The following IL1R2 variants were observed in gnomAD, a reference collection of about 807,000 sequenced individuals.
The protein encoded by IL1R2 is interleukin 1 receptor type 2.
A neutral mutation model predicts 39.5 loss-of-function variants in IL1R2; 46 were observed. That is an observed-to-expected ratio of 1.16 (90% CI 0.92 to 1.49). The LOEUF is 1.49. IL1R2 is among the 40% of genes most tolerant of loss of function. IL1R2 has a pLI of 0.00. For synonymous variants in IL1R2, 207 were observed against 189.6 expected (o/e 1.09, Z -0.75); for missense variants, 537 against 502.0 (o/e 1.07, Z -0.67).
In IL1R2 at chr2:102,009,845, G is replaced by A. The variant is rs371934769; in HGVS notation, c.332+19G>A. The A allele has an allele frequency of 4.8e-5, 77 of 1,610,500 alleles. No individual in the cohort carries two copies. Among genetic ancestry groups the A allele is most frequent in the Non-Finnish European group, 6.5e-5 (76 of 1,177,360 alleles). On this transcript the variant is annotated intron_variant, in intron 3 of 8. Transcript: ENST00000332549. The stretch of plus-strand genomic sequence containing the variant: ...CTACTAGGTAAGTCTCCCTGTGCGG[G>A]GCTGGGGAGGGGATCCTGGCAGGAT...
At chr2:102,004,492 C>CAAAA (rs34596104) in intron 1 of IL1R2, among the ~76,000 whole-genome samples, 3 of 99,326 alleles carry the variant, frequency 3.0e-5, no homozygotes, top group African/African-American at 6.1e-5. Context: ...GGTTATTTGA[C>CAAAA]AAAAAAAAAA....
chr2:102,003,883 T>C (rs1465859030), intron 1 of IL1R2, among the ~76,000 whole-genome samples: 3 of 149,654 alleles, frequency 2.0e-5, no homozygotes, highest in South Asian at 4.3e-4. Context: ...GTGGTTGTGT[T>C]TGTGTCTGTG....
Position 102,028,534 on chromosome 2 carries a change from C to T in IL1R2, c.*142C>T, listed in dbSNP as rs1191810665. 6.2e-6 allele frequency: 4 copies of T among 641,298 alleles called. No homozygotes were observed. The highest frequency in any genetic ancestry group is 3.7e-5 in the African/African-American group (2 of 53,630). The allele number at this position is 641,298 out of a possible 1,614,324, so 39.7% of individuals were successfully genotyped here. A position where few individuals can be genotyped will look rare whatever the true frequency, so the allele number is the denominator to read the frequency against. ...TTTATAGTGGCTTTGTAGTAAAGGA[C>T]TAAAGTCTTACATTCTGTTTTTTTT... On this transcript the variant is annotated 3_prime_UTR_variant, in exon 9 of 9. Transcript: ENST00000332549.
chr2:102,017,165 A>G (rs948451922), intron 4 of IL1R2, among the ~76,000 whole-genome samples: 19 of 152,176 alleles, frequency 1.2e-4, no homozygotes, highest in African/African-American at 4.6e-4. Flanking sequence ...TGGCAGGCCA[A>G]GGCAGGTAGA....
intron 3 of IL1R2, among the ~76,000 whole-genome samples, chr2:102,011,621 A>G (rs1324225128): frequency 2.0e-5 from 3 of 152,212 alleles, no homozygotes; most frequent in Non-Finnish European, 4.4e-5. Flanking sequence ...GTTGAGTTGT[A>G]GGAGTTCTTT....
chr2:101,996,147 G>C (rs906383062), intron 1 of IL1R2, among the ~76,000 whole-genome samples: 3 of 140,666 alleles, frequency 2.1e-5, no homozygotes, highest in Non-Finnish European at 4.6e-5. Context: ...GAACATGAGT[G>C]TACCCACCAT....
At chr2:102,026,417 G>A (rs1295936823) in intron 8 of IL1R2, among the ~76,000 whole-genome samples, 164 bp downstream of exon 8, 2 of 152,220 alleles carry the variant, frequency 1.3e-5, no homozygotes, top group African/African-American at 2.4e-5. Flanking sequence ...AAGAGTTTTG[G>A]TAGGGTGGAG....
At chr2:102,024,509 C>G (rs770610735) in intron 6 of IL1R2, 24 bp from the exon 7 acceptor site, 9 of 1,579,782 alleles carry the variant, frequency 5.7e-6, no homozygotes, top group Non-Finnish European at 7.8e-6. Context: ...CTGCAGTTGA[C>G]GTGCTGTGCC....
chr2:102,016,162 C>A (rs1676991403), intron 4 of IL1R2, 111 bp downstream of exon 4: 1 of 770,412 alleles, frequency 1.3e-6, no homozygotes, highest in Middle Eastern at 2.9e-4. Flanking sequence ...CACACACACG[C>A]ACAAACACAC....
chr2:102,000,442 G>A (rs1253590672), intron 1 of IL1R2, among the ~76,000 whole-genome samples: 1 of 152,202 alleles, frequency 6.6e-6, no homozygotes, highest in Non-Finnish European at 1.5e-5. Flanking sequence ...GTTATTGGAA[G>A]GTGTAGACAG....
At chr2:102,010,007 A>G (rs2282747) in intron 3 of IL1R2, 181 bp downstream of exon 3, 104,905 of 704,344 alleles carry the variant, frequency 0.15, 10,191 homozygotes, top group East Asian at 0.34. Flanking sequence ...TTCTGTCTCC[A>G]TTTAGTCTTT....
At chr2:102,010,355 C>T (rs1025280042) in intron 3 of IL1R2, among the ~76,000 whole-genome samples, 8 of 152,022 alleles carry the variant, frequency 5.3e-5, no homozygotes, top group African/African-American at 1.7e-4. Context: ...GGGTGGATCA[C>T]GAGGTCAGGA....
At chr2:102,028,028 T>C (rs921902303) in intron 8 of IL1R2, among the ~76,000 whole-genome samples, 198 bp from the exon 9 acceptor site, 10 of 152,244 alleles carry the variant, frequency 6.6e-5, no homozygotes, top group African/African-American at 2.2e-4. Context: ...CCTATCACGC[T>C]CGTTTCTCTA....
Position 102,009,590 on chromosome 2 carries a change from G to T in IL1R2, c.96G>T (p.Gly32=), listed in dbSNP as rs373497457. Residue 32 remains glycine (G), a synonymous_variant, in exon 3 of 9, where the codon GGG becomes GGT. Transcript: ENST00000332549. ...TGAARSCRFR[G]RHYKREFRLE... is the part of the protein sequence containing the mutation. ...CTGCCAGAAGCTGCCGGTTTCGTGG[G>T]AGGCATTACAAGCGGGAGTTCAGGC... 5.6e-6 allele frequency: 9 copies of T among 1,613,978 alleles called. No homozygotes were observed. In the African/African-American group the frequency reaches 1.2e-4, roughly 22 times the overall value.
chr2:102,028,115 T>C, intron 8 of IL1R2, 111 bp from the exon 9 acceptor site: 1 of 893,626 alleles, frequency 1.1e-6, no homozygotes, highest in South Asian at 2.6e-5. Context: ...TGCACATTTA[T>C]CAAGAAAAAC....
chr2:102,003,287 T>A (rs1325379171), intron 1 of IL1R2, among the ~76,000 whole-genome samples: 1 of 150,692 alleles, frequency 6.6e-6, no homozygotes, highest in Non-Finnish European at 1.5e-5. Flanking sequence ...CCTATGTCTA[T>A]GTCTGTGTCT....
chr2:101,992,584 C>A (rs937406034), intron 1 of IL1R2, among the ~76,000 whole-genome samples: 1 of 124,592 alleles, frequency 8.0e-6, no homozygotes, highest in Non-Finnish European at 1.7e-5. Context: ...GACAGAGAGG[C>A]AGAGAAACAG....
intron 1 of IL1R2, among the ~76,000 whole-genome samples, chr2:102,002,191 T>C (rs1675895729): frequency 6.6e-6 from 1 of 152,262 alleles, no homozygotes; most frequent in Non-Finnish European, 1.5e-5. Context: ...AAAAATGTAT[T>C]CCTGCATGTA....
intron 1 of IL1R2, among the ~76,000 whole-genome samples, chr2:102,001,817 G>T (rs1210297836): frequency 6.6e-6 from 1 of 152,034 alleles, no homozygotes; most frequent in Non-Finnish European, 1.5e-5. Context: ...TTCCTCATGG[G>T]TTTCAAAGAA....
Sources: allele counts gnomAD v4.1 joint callset (sites outside exome capture counted in the v4.1 genomes callset), GRCh38; gene constraint gnomAD v4.1.1; transcripts MANE v1.5; gene names NCBI Gene and HGNC (gene_info 2026-07-23, HGNC 2026-07-21).